Variants in PJVK observed in about 807,000 individuals in gnomAD.
PJVK encodes the protein autosomal recessive deafness type 59 protein.
In PJVK, 33 loss-of-function variants were observed where a neutral mutation model predicts 37.6. The ratio of observed to expected loss-of-function variants is 0.88; its 90% CI spans 0.67 to 1.17. The LOEUF is 1.17. Among genes scored for constraint, PJVK ranks in the 50% most tolerant of loss-of-function variants. The probability of loss-of-function intolerance (pLI) is 0.00; values close to 1 mark genes in which losing one functional copy is unlikely to be tolerated. For missense variants in PJVK, 410 were observed against 413.8 expected, an observed-to-expected ratio of 0.99 and a Z score of 0.08; for synonymous variants, 141 against 143.5, an observed-to-expected ratio of 0.98 and a Z score of 0.13.
At chr2:178,452,540 A>G (rs1486908909) in intron 1 of PJVK, 2 of 985,324 alleles carry the variant, frequency 2.0e-6, no homozygotes, top group African/African-American at 3.5e-5. Context: ...ACTCCGCATA[A>G]CACCTATGGC....
intron 3 of PJVK, chr2:178,455,161 G>T: frequency 6.2e-7 from 1 of 1,600,352 alleles, no homozygotes; most frequent in Non-Finnish European, 8.6e-7. Context: ...TGGTGACTGT[G>T]CATCTGGAGA....
At chr2:178,460,912 A>C in intron 6 of PJVK, 70 bp from the exon 7 acceptor site, 1 of 1,392,118 alleles carries the variant, frequency 7.2e-7, no homozygotes, top group Non-Finnish European at 1.0e-6. Flanking sequence ...CATATTTATT[A>C]ATGCTGTTTG....
Position 178,451,516 on chromosome 2 carries a change from G to C in PJVK, c.-276G>C, listed in dbSNP as rs1697659039. The stretch of plus-strand genomic sequence containing the variant: ...TGAGGCCTAAAGTTAAGCCTTTGTG[G>C]GGAGGACGGATTGGGGGCTGGGTCA... On this transcript the variant is annotated 5_prime_UTR_variant, in exon 1 of 7. Coordinates refer to ENST00000644580, the MANE Select transcript of PJVK (RefSeq NM_001042702.5). 6.4e-6 allele frequency: 1 copy of C among 155,942 alleles called. No homozygotes were observed. The highest frequency in any genetic ancestry group is 1.9e-4 in the South Asian group (1 of 5,348). The allele number at this position is 155,942 out of a possible 1,614,324, so 9.7% of individuals were successfully genotyped here.
In PJVK at chr2:178,451,710, C is replaced by T. The variant is rs886055209; in HGVS notation, c.-82C>T. The T allele has an allele frequency of 2.2e-5, 21 of 944,232 alleles. No homozygotes were observed. Among genetic ancestry groups the T allele is most frequent in the South Asian group, 1.5e-4 (3 of 20,504 alleles). 58.5% of individuals were successfully genotyped at this position (944,232 alleles called of 1,614,324 possible). Reference sequence around the variant, plus strand: ...ACGCGGGGACGTCCAAACACCCGCTCCTCTCCCGCCGGGCGGGCTCCTTTG... The same window carrying T: ...ACGCGGGGACGTCCAAACACCCGCTTCTCTCCCGCCGGGCGGGCTCCTTTG... On this transcript the variant is annotated 5_prime_UTR_variant, in exon 1 of 7. Transcript: ENST00000644580.
intron 1 of PJVK, chr2:178,452,611 C>T (rs963942189): frequency 3.0e-6 from 3 of 985,102 alleles, no homozygotes; most frequent in African/African-American, 3.5e-5. Flanking sequence ...AAAAACAGGC[C>T]AGAACTTTAT....
chr2:178,453,086 A>C (rs890770462), intron 1 of PJVK: 3 of 335,342 alleles, frequency 8.9e-6, no homozygotes, highest in Non-Finnish European at 1.7e-5. Flanking sequence ...GCAAATCACT[A>C]TCTACTGTGA....
chr2:178,457,010 CG>C, intron 4 of PJVK, among the ~76,000 whole-genome samples: 1 of 152,182 alleles, frequency 6.6e-6, no homozygotes, highest in Non-Finnish European at 1.5e-5. Context: ...GCTCTGTCCC[CG>C]AGGCTGGAGT....
chr2:178,456,378 G>A, intron 4 of PJVK: 1 of 565,758 alleles, frequency 1.8e-6, no homozygotes, highest in Admixed American at 3.0e-5. Flanking sequence ...TAATCCTTGT[G>A]AAATTACGTG....
intron 3 of PJVK, chr2:178,455,108 G>T: frequency 6.3e-7 from 1 of 1,595,906 alleles, no homozygotes. Context: ...CTACAACGAA[G>T]TGAAGGCGGA....
In PJVK at chr2:178,453,505, A is replaced by C; in HGVS notation, c.96A>C (p.Gln32His). 1 of 1,614,148 alleles carries C rather than the reference A, an allele frequency of 6.2e-7. No homozygotes were observed. The highest frequency in any genetic ancestry group is 8.5e-7 in the Non-Finnish European group (1 of 1,180,010). ...VPSLSEADKY[Q>H]PLSLVVKKKR... ...GCCTCAGTGAAGCTGACAAATATCA[A>C]CCTCTAAGTCTGGTGGTAAAAAAGA... The change falls in exon 2 of 7, where the codon CAA (glutamine) becomes CAC (histidine). Residue 32 changes from glutamine (Q) to histidine (H), a missense_variant. Transcript: ENST00000644580.
chr2:178,455,197 C>T (rs780132763), intron 3 of PJVK: 59 of 1,583,734 alleles, frequency 3.7e-5, no homozygotes, highest in Non-Finnish European at 5.1e-5. Flanking sequence ...AGTGGTGGAG[C>T]CGCTTGGTGT....
intron 5 of PJVK, chr2:178,459,122 A>G: frequency 2.1e-6 from 1 of 470,424 alleles, no homozygotes; most frequent in Non-Finnish European, 4.4e-6. Context: ...AAAAGTGAAA[A>G]TACTTCCTCC....
chr2:178,454,762 A>G, intron 3 of PJVK: 1 of 1,578,166 alleles, frequency 6.3e-7, no homozygotes, highest in South Asian at 1.1e-5. Flanking sequence ...ACTGATGAAG[A>G]GGCAGAGAGG....
At chr2:178,453,229 C>G (rs1697821139) in intron 1 of PJVK, 159 bp from the exon 2 acceptor site, 2 of 624,310 alleles carry the variant, frequency 3.2e-6, no homozygotes, top group African/African-American at 1.8e-5. Flanking sequence ...AATTCATTAC[C>G]TGAGCACATG....
chr2:178,459,110 T>C (rs573614971), intron 5 of PJVK: 4 of 469,466 alleles, frequency 8.5e-6, no homozygotes, highest in South Asian at 3.1e-5. Context: ...AAAATAACTT[T>C]AAAAAGTGAA....
At chr2:178,460,315 A>G (rs1420219232) in intron 5 of PJVK, 33 bp from the exon 6 acceptor site, 1 of 1,508,704 alleles carries the variant, frequency 6.6e-7, no homozygotes, top group Admixed American at 1.7e-5. Context: ...GAATTATTCA[A>G]GTTATAACAT....
At chr2:178,457,318 T>C (rs1456570244) in intron 4 of PJVK, among the ~76,000 whole-genome samples, 1 of 152,246 alleles carries the variant, frequency 6.6e-6, no homozygotes, top group Non-Finnish European at 1.5e-5. Flanking sequence ...AGTTAAATCC[T>C]TTAAAAAATA....
At position 178,461,005 on chromosome 2, in the gene PJVK, T is replaced by C. The variant is rs1191353645; in HGVS notation, c.790T>C (p.Ser264Pro). The C allele has an allele frequency of 1.2e-6, 2 of 1,614,050 alleles. No individual in the cohort carries two copies. The highest frequency in any genetic ancestry group is 1.7e-6 in the Non-Finnish European group (2 of 1,180,008). Residue 264 changes from serine to proline, a missense_variant, in exon 7 of 7, where the codon TCT (serine) becomes CCT (proline). Ser to Pro is a moderately conservative substitution (Grantham distance 74). Transcript: ENST00000644580. ...AGATAGAAGAGTGATGGATGTCATT[T>C]CTCGTTCACAGCTTTACTTGGATGA... ...ERNRRVMDVISRSQLYLDDLF... is the reference protein window; with the variant it reads ...ERNRRVMDVIPRSQLYLDDLF...
rs1032088430 is a variant in PJVK, at chr2:178,454,470, G to C, written c.350G>C (p.Gly117Ala). 1 of 1,613,750 alleles carries C rather than the reference G, an allele frequency of 6.2e-7. No individual in the cohort carries two copies. Among genetic ancestry groups the C allele is most frequent in the Non-Finnish European group, 8.5e-7 (1 of 1,179,958 alleles). The change falls in exon 3 of 7, where the codon GGT becomes GCT. Residue 117 changes from glycine (G) to alanine (A), a missense_variant. Coordinates refer to ENST00000644580, the MANE Select transcript of PJVK (RefSeq NM_001042702.5). ...TCCATTGCAGTGAAAGCTTCATTTG[G>C]TATAGTAACCAAACATGAAGTGGAA... ...SDSIAVKASF[G>A]IVTKHEVEVS...
Sources: allele counts gnomAD v4.1 joint callset (sites outside exome capture counted in the v4.1 genomes callset), GRCh38; gene constraint gnomAD v4.1.1; transcripts MANE v1.5; gene names NCBI Gene and HGNC (gene_info 2026-07-23, HGNC 2026-07-21).